CADM2: variants seen among roughly 807,000 people sequenced by gnomAD.
The protein encoded by CADM2 is immunoglobulin superfamily member 4D.
In CADM2, 12 loss-of-function variants were observed where a neutral mutation model predicts 49.8. The observed-to-expected ratio is 0.24, with a 90% CI of 0.15 to 0.39. CADM2 has a LOEUF of 0.39. CADM2 is among the 10% of genes least tolerant of loss of function. CADM2 has a pLI of 1.00. For synonymous variants in CADM2, 214 were observed against 175.4 expected (o/e 1.22, Z -1.74); for missense variants, 378 against 492.3 (o/e 0.77, Z 2.20).
At chr3:85,687,057 C>A (rs73845618) in intron 1 of CADM2, among the ~76,000 whole-genome samples, 1,797 of 152,284 alleles carry the variant, frequency 0.012, 43 homozygotes, top group African/African-American at 0.042. Context: ...TCTAAATTAA[C>A]TGAGACCTGT....
At chr3:85,888,639 C>T (rs4302393) in intron 5 of CADM2, among the ~76,000 whole-genome samples, 99,838 of 152,016 alleles carry the variant, frequency 0.66, 33,415 homozygotes, top group African/African-American at 0.78. Context: ...TCTAATCTTA[C>T]AATTCTTTAG....
chr3:85,068,756 T>G (rs944331554), intron 1 of CADM2, among the ~76,000 whole-genome samples: 3 of 151,676 alleles, frequency 2.0e-5, no homozygotes, highest in Admixed American at 6.6e-5. Flanking sequence ...TTGTTTTATT[T>G]TATTTTTACA....
intron 1 of CADM2, among the ~76,000 whole-genome samples, chr3:85,123,628 T>C (rs968200878): frequency 2.6e-5 from 4 of 152,230 alleles, no homozygotes; most frequent in Middle Eastern, 3.4e-3. Flanking sequence ...ATAAATCTTA[T>C]AAAAGATTTT....
intron 8 of CADM2, among the ~76,000 whole-genome samples, chr3:86,057,777 G>A (rs1158530855): frequency 6.6e-6 from 1 of 152,050 alleles, no homozygotes. Flanking sequence ...GGATGAAGAA[G>A]CATAAATAAC....
intron 1 of CADM2, among the ~76,000 whole-genome samples, chr3:85,558,475 TTTTA>T (rs1427160897): frequency 1.4e-4 from 21 of 152,028 alleles, no homozygotes; most frequent in Non-Finnish European, 2.4e-4. Context: ...ATGATGATAT[TTTTA>T]TTTATTACTA....
chr3:85,714,712 G>A (rs1321272799), intron 1 of CADM2, among the ~76,000 whole-genome samples: 1 of 152,096 alleles, frequency 6.6e-6, no homozygotes, highest in Non-Finnish European at 1.5e-5. Context: ...TTACACGTGT[G>A]AGCCACCGCG....
intron 1 of CADM2, among the ~76,000 whole-genome samples, chr3:85,102,556 G>A (rs2107547659): frequency 6.6e-6 from 1 of 152,168 alleles, no homozygotes; most frequent in African/African-American, 2.4e-5. Context: ...TCTCAAAGAA[G>A]CCCACTCTCT....
At chr3:84,962,140 C>CAATA (rs34672884) in intron 1 of CADM2, among the ~76,000 whole-genome samples, 57,025 of 148,300 alleles carry the variant, frequency 0.38, 11,327 homozygotes, top group Non-Finnish European at 0.41. Context: ...GCATTAGGTC[C>CAATA]AATAAATAAA....
intron 8 of CADM2, among the ~76,000 whole-genome samples, chr3:85,984,720 G>C (rs1727887616): frequency 6.6e-6 from 1 of 151,758 alleles, no homozygotes; most frequent in African/African-American, 2.4e-5. Flanking sequence ...GTACCAGATA[G>C]GGAAAGAAAT....
chr3:85,583,766 T>A (rs1005982576), intron 1 of CADM2, among the ~76,000 whole-genome samples: 1 of 152,076 alleles, frequency 6.6e-6, no homozygotes, highest in Admixed American at 6.6e-5. Context: ...TAAAAATTAC[T>A]TGAAATCAAT....
At chr3:85,881,384 A>G (rs1712747036) in intron 3 of CADM2, among the ~76,000 whole-genome samples, 1 of 152,106 alleles carries the variant, frequency 6.6e-6, no homozygotes, top group Non-Finnish European at 1.5e-5. Flanking sequence ...TCATCTCAGT[A>G]TAGGCATCTT....
At chr3:86,038,846 C>T (rs909086189) in intron 8 of CADM2, among the ~76,000 whole-genome samples, 1 of 152,078 alleles carries the variant, frequency 6.6e-6, no homozygotes, top group South Asian at 2.1e-4. Context: ...TAGGAATGTA[C>T]TGTAAGTAGG....
intron 1 of CADM2, among the ~76,000 whole-genome samples, chr3:85,543,401 C>A (rs2061589791): frequency 1.4e-5 from 1 of 73,432 alleles, no homozygotes; most frequent in Admixed American, 1.7e-4. Context: ...ATTACAGGCA[C>A]CGCCACCATG....
At chr3:85,254,215 A>C (rs2042835751) in intron 1 of CADM2, among the ~76,000 whole-genome samples, 1 of 152,098 alleles carries the variant, frequency 6.6e-6, no homozygotes, top group African/African-American at 2.4e-5. Context: ...ACAGATGAAC[A>C]ATCAGATGGA....
At position 85,956,382 on chromosome 3, in the gene CADM2, C is replaced by T. The variant is rs145766332; in HGVS notation, c.792-5087C>T. On this transcript the variant is annotated intron_variant, in intron 7 of 9. Coordinates refer to ENST00000383699, the MANE Select transcript of CADM2 (RefSeq NM_001167675.2). ...ACAAATTGTATCAAGACTTGCTAAA[C>T]CACTTAATATTTTTATGGTGATATT... Among the ~76,000 whole-genome samples, 1,286 of 151,720 alleles carry T rather than the reference C, an allele frequency of 8.5e-3. 18 individuals carry two copies. Among genetic ancestry groups the T allele is most frequent in the African/African-American group, 0.027 (1,138 of 41,476 alleles).
At chr3:84,988,844 A>G (rs140543087) in intron 1 of CADM2, among the ~76,000 whole-genome samples, 7 of 152,300 alleles carry the variant, frequency 4.6e-5, no homozygotes, top group African/African-American at 1.7e-4. Flanking sequence ...ATTTACTTAA[A>G]TAAAAGATAC....
chr3:85,712,406 C>T (rs576327232), intron 1 of CADM2, among the ~76,000 whole-genome samples: 22 of 152,222 alleles, frequency 1.4e-4, no homozygotes, highest in Non-Finnish European at 2.8e-4. Context: ...CCCCTCTACC[C>T]TTTGTTATCA....
chr3:85,645,686 A>C (rs2064861812), intron 1 of CADM2, among the ~76,000 whole-genome samples: 1 of 151,984 alleles, frequency 6.6e-6, no homozygotes, highest in African/African-American at 2.4e-5. Context: ...GTTGAAATGA[A>C]CTTTTTTAAA....
intron 1 of CADM2, among the ~76,000 whole-genome samples, chr3:85,017,640 C>T (rs2034310033): frequency 6.6e-6 from 1 of 152,156 alleles, no homozygotes; most frequent in Non-Finnish European, 1.5e-5. Flanking sequence ...CGCTTTCATA[C>T]AGCCTTTTTC....
Sources: gnomAD v4.1 joint callset for allele counts (sites outside exome capture counted in the v4.1 genomes callset) on GRCh38, gnomAD v4.1.1 for gene constraint, MANE v1.5 for transcripts, NCBI Gene and HGNC (gene_info 2026-07-23, HGNC 2026-07-21) for gene names.